The following NR4A3 variants were observed in gnomAD, a reference collection of about 807,000 sequenced individuals.
NR4A3 encodes the protein nuclear receptor subfamily 4 group A member 3, also known as chondrosarcoma, extraskeletal myxoid, fused to EWS.
Under a neutral mutation model 55.6 loss-of-function variants are expected in NR4A3, and 13 were observed. The observed-to-expected ratio is 0.23, with a 90% CI of 0.15 to 0.37. The LOEUF is 0.37. NR4A3 is among the 10% of genes least tolerant of loss of function. The pLI is 1.00. For missense variants in NR4A3, 646 were observed against 822.8 expected (o/e 0.79, Z 2.63); for synonymous variants, 342 against 357.9 (o/e 0.96, Z 0.50).
In NR4A3 at chr9:99,864,182, A is replaced by G. The variant is rs1486216658; in HGVS notation, c.*315A>G. 1 of 297,464 alleles carries G rather than the reference A, an allele frequency of 3.4e-6. No individual in the cohort carries two copies. Among genetic ancestry groups the G allele is most frequent in the Non-Finnish European group, 6.3e-6 (1 of 157,520 alleles). The allele number at this position is 297,464 out of a possible 1,614,324, so 18.4% of individuals were successfully genotyped here. A position where few individuals can be genotyped will look rare whatever the true frequency, so the allele number is the denominator to read the frequency against. ...TTGGACAATGCTATCCCAGCAGGAA[A>G]AAAAAGGATAATATAACTGTTTTAA... On this transcript the variant is annotated 3_prime_UTR_variant, in exon 8 of 8. Coordinates refer to ENST00000395097, the MANE Select transcript of NR4A3 (RefSeq NM_006981.4).
chr9:99,828,092 A>G lies in NR4A3; in HGVS notation c.50A>G (p.Tyr17Cys). 1.2e-6 allele frequency: 2 copies of G among 1,614,072 alleles called. No homozygotes were observed. Among genetic ancestry groups the G allele is most frequent in the Non-Finnish European group, 1.7e-6 (2 of 1,180,022 alleles). The change falls in exon 3 of 8, where the codon TAT becomes TGT. Residue 17 changes from tyrosine to cysteine, a missense_variant. By Grantham distance (194) the Tyr-to-Cys change is radical (BLOSUM62 -2). Around this residue, in one of 5 missense-constraint regions of NR4A3, gnomAD observed 426 missense variants for 429.4 expected, o/e 0.99. Coordinates refer to ENST00000395097, the MANE Select transcript of NR4A3 (RefSeq NM_006981.4). This position sits in a 1 kb window ranked among gnomAD's most constrained non-coding sequence, Gnocchi z 7.7. ...QYSPSPPGSS[Y>C]AAQTYSSEYT... is the part of the protein sequence containing the mutation. ...AGCCCTTCCCCTCCAGGTTCCAGTT[A>G]TGCGGCGCAGACATACAGCTCGGAA...
chr9:99,831,735 G>A (rs1048730137), intron 3 of NR4A3, among the ~76,000 whole-genome samples: 15 of 152,142 alleles, frequency 9.9e-5, no homozygotes, highest in African/African-American at 3.4e-4. Flanking sequence ...GTAAAAATAC[G>A]TTCATTTGCA....
intron 2 of NR4A3, among the ~76,000 whole-genome samples, chr9:99,827,258 A>ATATGTGTG (rs1264728798): frequency 6.9e-6 from 1 of 145,010 alleles, no homozygotes; most frequent in Non-Finnish European, 1.5e-5. Context: ...GGATATATAT[A>ATATGTGTG]TGTGTGTGTG....
rs1418124585 is a variant in NR4A3 at position 99,866,178 on chromosome 9, C to T, written c.*2311C>T. ...TAAATATTATTAAATATCAGGAAAG[C>T]TAACATTTCATACAAGATAGCTTCA... On this transcript the variant is annotated 3_prime_UTR_variant, in exon 8 of 8. Coordinates refer to ENST00000395097, the MANE Select transcript of NR4A3 (RefSeq NM_006981.4). 1 of 213,886 alleles carries T rather than the reference C, an allele frequency of 4.7e-6. No individual in the cohort carries two copies. Among genetic ancestry groups the T allele is most frequent in the African/African-American group, 2.3e-5 (1 of 44,258 alleles). The allele number at this position is 213,886 out of a possible 1,614,324, so 13.2% of individuals were successfully genotyped here.
chr9:99,861,179 C>T (rs952389182), intron 7 of NR4A3, among the ~76,000 whole-genome samples: 1 of 152,194 alleles, frequency 6.6e-6, no homozygotes, highest in African/African-American at 2.4e-5. Context: ...AACTTACAGT[C>T]CATGGAGATC....
chr9:99,834,369 GA>G (rs758536449), intron 5 of NR4A3, among the ~76,000 whole-genome samples: 37 of 151,480 alleles, frequency 2.4e-4, no homozygotes, highest in African/African-American at 7.3e-4. Context: ...GGAAGAGAAG[GA>G]AAAAAAATCA....
intron 7 of NR4A3, among the ~76,000 whole-genome samples, chr9:99,858,547 G>C (rs549512157): frequency 3.7e-4 from 56 of 152,354 alleles, no homozygotes; most frequent in African/African-American, 1.3e-3. Context: ...AATATTTGTT[G>C]AAAGAAGTAG....
chr9:99,836,300 G>C (rs1827559668), intron 5 of NR4A3, among the ~76,000 whole-genome samples: 3 of 152,170 alleles, frequency 2.0e-5, no homozygotes, highest in Non-Finnish European at 4.4e-5. Context: ...GGAGAGCCTT[G>C]GCAAAGTGGT....
chr9:99,853,011 G>T (rs2118142757), intron 7 of NR4A3, among the ~76,000 whole-genome samples: 1 of 152,302 alleles, frequency 6.6e-6, no homozygotes, highest in South Asian at 2.1e-4. Context: ...GAGGCCACAG[G>T]ATTTAGAGAC....
chr9:99,850,396 T>C (rs1340343089), intron 7 of NR4A3, among the ~76,000 whole-genome samples: 2 of 152,142 alleles, frequency 1.3e-5, no homozygotes, highest in African/African-American at 4.8e-5. Flanking sequence ...TTGACAGATA[T>C]CTAAGAGGCC....
In NR4A3 at chr9:99,825,118, T is replaced by C. The variant is rs1564028631; in HGVS notation, c.-176-541T>C. Among the ~76,000 whole-genome samples the C allele has an allele frequency of 1.3e-5, 2 of 152,192 alleles. No homozygotes were observed. Among genetic ancestry groups the C allele is most frequent in the African/African-American group, 4.8e-5 (2 of 41,446 alleles). ...AGCATTTAGAATGAAAAGCGCAGAC[T>C]TTCTTAATTCCTCGGGGCATTCATG... On this transcript the variant is annotated intron_variant, in intron 1 of 7. Coordinates refer to ENST00000395097, the MANE Select transcript of NR4A3 (RefSeq NM_006981.4). This position sits in a 1 kb window ranked among gnomAD's most constrained non-coding sequence, Gnocchi z 5.0.
chr9:99,828,897 G>A lies in NR4A3; in HGVS notation c.855G>A (p.Ser285=), dbSNP rs762471668. The A allele has an allele frequency of 3.3e-6, 5 of 1,507,390 alleles. No individual in the cohort carries two copies. In the South Asian group the frequency reaches 3.7e-5, roughly 11 times the overall value. The allele number at this position is 1,507,390 out of a possible 1,614,324, so 93.4% of individuals were successfully genotyped here. A position where few individuals can be genotyped will look rare whatever the true frequency, so the allele number is the denominator to read the frequency against. The change falls in exon 3 of 8, where the codon TCG becomes TCA. Residue 285 remains serine, a synonymous_variant. Transcript: ENST00000395097. This position sits in a 1 kb window ranked among gnomAD's most constrained non-coding sequence, Gnocchi z 7.7. ...PSLPSPPSRS[S]SSGEGTCAVC... Reference sequence around the variant, plus strand: ...TGCCGTCGCCGCCCAGCAGGAGCTCGTCGTCTGGCGAGGGCACGTGTGCCG... The same window carrying A: ...TGCCGTCGCCGCCCAGCAGGAGCTCATCGTCTGGCGAGGGCACGTGTGCCG...
At chr9:99,857,121 A>T (rs547507808) in intron 7 of NR4A3, among the ~76,000 whole-genome samples, 1 of 152,340 alleles carries the variant, frequency 6.6e-6, no homozygotes, top group South Asian at 2.1e-4. Flanking sequence ...TCCAGAGGCC[A>T]TGGGTATTGA....
chr9:99,829,349 G>C (rs189368127), intron 3 of NR4A3, among the ~76,000 whole-genome samples: 1 of 152,244 alleles, frequency 6.6e-6, no homozygotes, highest in African/African-American at 2.4e-5. Flanking sequence ...TGAGGGGATA[G>C]TGTGTGCGTA....
rs1827203153 is a variant in NR4A3 at position 99,822,660 on chromosome 9, A to AG, written c.-177+254dup. 6.6e-6 allele frequency among the ~76,000 whole-genome samples: 1 copy of AG among 152,110 alleles called. No individual in the cohort carries two copies. The highest frequency in any genetic ancestry group is 2.4e-5 in the African/African-American group (1 of 41,414). The stretch of plus-strand genomic sequence containing the variant: ...CGAAGAGGCGAAAAGCCTCTAACAA[A>AG]GAGGAGGACCGGGATTTGTGCTATA... On this transcript the variant is annotated intron_variant, in intron 1 of 7. Coordinates refer to ENST00000395097, the MANE Select transcript of NR4A3 (RefSeq NM_006981.4). This position sits in a 1 kb window ranked among gnomAD's most constrained non-coding sequence, Gnocchi z 4.9.
Position 99,865,468 on chromosome 9 carries a change from TTA to T in NR4A3, c.*1603_*1604del, listed in dbSNP as rs1828080594. The T allele has an allele frequency of 5.5e-6, 1 of 183,398 alleles. No individual in the cohort carries two copies. The highest frequency in any genetic ancestry group is 2.0e-4 in the South Asian group (1 of 5,084). 11.4% of individuals were successfully genotyped at this position (183,398 alleles called of 1,614,324 possible). A position where few individuals can be genotyped will look rare whatever the true frequency, so the allele number is the denominator to read the frequency against. On this transcript the variant is annotated 3_prime_UTR_variant, in exon 8 of 8. Coordinates refer to ENST00000395097, the MANE Select transcript of NR4A3 (RefSeq NM_006981.4). The surrounding 1 kb of genome is among the most constrained non-coding windows in gnomAD (Gnocchi z 4.3). ...TAGCACTTTGATATTAAAATTTTGC[TTA>T]TGTTTTGCTAAATTCGAATAATGTT...
At chr9:99,842,774 A>G (rs1427390398) in intron 5 of NR4A3, among the ~76,000 whole-genome samples, 1 of 152,100 alleles carries the variant, frequency 6.6e-6, no homozygotes, top group Non-Finnish European at 1.5e-5. Context: ...AGACATACTT[A>G]ATAGCTAGGA....
chr9:99,857,795 T>TA (rs1297595734), intron 7 of NR4A3, among the ~76,000 whole-genome samples: 1 of 151,730 alleles, frequency 6.6e-6, no homozygotes, highest in East Asian at 1.9e-4. Context: ...AATAAATAAA[T>TA]AAGTGGTAGA....
chr9:99,839,211 T>G (rs1293447366), intron 5 of NR4A3, among the ~76,000 whole-genome samples: 1 of 152,150 alleles, frequency 6.6e-6, no homozygotes, highest in Non-Finnish European at 1.5e-5. Context: ...GGGGGGAAAA[T>G]ATATTCATTG....
Sources: gnomAD v4.1 joint callset for allele counts (sites outside exome capture counted in the v4.1 genomes callset) on GRCh38, gnomAD v4.1.1 for gene constraint, gnomAD v4.1.1 regional missense constraint, Gnocchi (gnomAD v3.1) non-coding constraint, MANE v1.5 for transcripts, NCBI Gene and HGNC (gene_info 2026-07-23, HGNC 2026-07-21) for gene names.